Variants in ENKUR observed in about 807,000 individuals in gnomAD.
ENKUR encodes the protein enkurin.
In ENKUR, 19 loss-of-function variants were observed where a neutral mutation model predicts 27.6. The observed-to-expected ratio is 0.69, with a 90% CI of 0.48 to 1.01. The LOEUF (loss-of-function observed/expected upper bound fraction) is 1.01. Among genes scored for constraint, ENKUR ranks in the 50% least tolerant of loss-of-function variants. The pLI is 0.00. For synonymous variants in ENKUR, 117 were observed against 96.9 expected (o/e 1.21, Z -1.22); for missense variants, 312 against 310.5 (o/e 1.00, Z -0.04).
chr10:25,024,410 A>G, intron 2 of ENKUR: 2 of 1,613,968 alleles, frequency 1.2e-6, no homozygotes, highest in East Asian at 2.2e-5. Context: ...CTAAATAAGA[A>G]TGATAAGCAA....
chr10:25,016,004 C>CCTTTCTTCACTGCTTCCCCTTT lies in ENKUR; in HGVS notation c.-90_-69dup, dbSNP rs2132731343. 1 of 1,551,072 alleles carries CCTTTCTTCACTGCTTCCCCTTT rather than the reference C, an allele frequency of 6.4e-7. No individual in the cohort carries two copies. The highest frequency in any genetic ancestry group is 1.4e-5 in the African/African-American group (1 of 72,714). On this transcript the variant is annotated 5_prime_UTR_variant, in exon 1 of 6. Coordinates refer to ENST00000331161, the MANE Select transcript of ENKUR (RefSeq NM_145010.4). Reference sequence around the variant, plus strand: ...TTCTCCCTGTCCCAGTATCTCCGTCCCTTTCTTCACTGCTTCCCCTTTCTT... The same window carrying CCTTTCTTCACTGCTTCCCCTTT: ...TTCTCCCTGTCCCAGTATCTCCGTCCCTTTCTTCACTGCTTCCCCTTTCTTTCTTCACTGCTTCCCCTTTCTT...
exon 2 of ENKUR, chr10:25,061,147 A>G (rs1405620774): frequency 4.6e-6 from 7 of 1,536,054 alleles, no homozygotes; most frequent in Non-Finnish European, 6.1e-6. Context: ...CTCTGTCTTC[A>G]TGCTCCGTGG....
At chr10:24,984,564 TTGTG>T in intron 5 of ENKUR, 168 bp downstream of exon 5, 1 of 1,035,586 alleles carries the variant, frequency 9.7e-7, no homozygotes, top group Non-Finnish European at 1.4e-6. Context: ...AAATTTCTTC[TTGTG>T]TAAGTGAATA....
chr10:25,019,269 T>C (rs546946500), upstream of ENKUR, among the ~76,000 whole-genome samples: 36 of 152,008 alleles, frequency 2.4e-4, no homozygotes, highest in African/African-American at 8.4e-4. Flanking sequence ...AGCCCAGGAG[T>C]TGGAGACCAG....
intron 2 of ENKUR, chr10:25,023,057 A>C (rs1420515891): frequency 1.7e-6 from 1 of 579,354 alleles, no homozygotes; most frequent in East Asian, 3.1e-5. Flanking sequence ...GAAGATTTTT[A>C]AACAGTTTAT....
At position 24,987,562 on chromosome 10, in the gene ENKUR, C is replaced by T. The variant is rs574907686; in HGVS notation, c.595-2657G>A. Among the ~76,000 whole-genome samples the T allele has an allele frequency of 1.1e-3, 168 of 152,298 alleles. 1 individual carries two copies. The highest frequency in any genetic ancestry group is 3.8e-3 in the African/African-American group (156 of 41,550). On this transcript the variant is annotated intron_variant, in intron 4 of 5. Transcript: ENST00000331161. ...CGTGATTGTGCCACTGCACTCCAGC[C>T]TAGGCAACAGAGCAAGACTGTCTCA...
chr10:24,982,091 C>T lies in ENKUR; in HGVS notation c.*2279G>A, dbSNP rs1486349853. ...ATGCAGATGAAAATGTATACAGTGT[C>T]TTCTCCCCCATAAGCTTGAAATGTT... On this transcript the variant is annotated 3_prime_UTR_variant, in exon 6 of 6. Coordinates refer to ENST00000331161, the MANE Select transcript of ENKUR (RefSeq NM_145010.4). 6.6e-6 allele frequency: 1 copy of T among 152,214 alleles called. No homozygotes were observed. The highest frequency in any genetic ancestry group is 1.9e-4 in the East Asian group (1 of 5,200). 9.4% of individuals were successfully genotyped at this position (152,214 alleles called of 1,614,324 possible). A position where few individuals can be genotyped will look rare whatever the true frequency, so the allele number is the denominator to read the frequency against.
At chr10:25,049,536 C>T (rs1270288338) in intron 2 of ENKUR, among the ~76,000 whole-genome samples, 1 of 151,982 alleles carries the variant, frequency 6.6e-6, no homozygotes, top group Admixed American at 6.6e-5. Context: ...GCCTATAATC[C>T]CAGCACTTTG....
intron 1 of ENKUR, among the ~76,000 whole-genome samples, chr10:25,061,658 A>G (rs979022294): frequency 6.6e-6 from 1 of 152,158 alleles, no homozygotes; most frequent in Non-Finnish European, 1.5e-5. Flanking sequence ...CAGATTTTCC[A>G]ACAACCCCTT....
chr10:25,019,665 A>T (rs889687458), upstream of ENKUR, among the ~76,000 whole-genome samples: 5 of 152,202 alleles, frequency 3.3e-5, no homozygotes, highest in African/African-American at 1.2e-4. Flanking sequence ...AAGGACTTGC[A>T]CATCTGCAGA....
At chr10:24,999,607 A>G (rs1850143644) in intron 1 of ENKUR, 61 bp from the exon 2 acceptor site, 1 of 1,400,382 alleles carries the variant, frequency 7.1e-7, no homozygotes, top group South Asian at 1.3e-5. Context: ...CCTAAAGTTT[A>G]CTTAAAGTTT....
rs775838630 is a variant in ENKUR at position 25,024,193 on chromosome 10, T to A, written c.38-28324A>T. 9.3e-6 allele frequency: 15 copies of A among 1,614,106 alleles called. No individual in the cohort carries two copies. The East Asian group carries it at 3.3e-4, about 36-fold the overall frequency. ...AACTGCTTATGGGGAAAACTTTGCC[T>A]GCTCAAAAATTGCTCCTGTCAGGCA... On this transcript the variant is annotated intron_variant, in intron 2 of 5. Coordinates refer to the ENKUR transcript ENST00000615958.
intron 2 of ENKUR, among the ~76,000 whole-genome samples, chr10:25,031,702 TTTCTG>T (rs1850936699): frequency 1.3e-5 from 2 of 152,102 alleles, no homozygotes; most frequent in African/African-American, 4.8e-5. Flanking sequence ...CTTGTTAACT[TTTCTG>T]TTATAGGTTA....
At chr10:24,998,763 A>T (rs921958853) in intron 2 of ENKUR, among the ~76,000 whole-genome samples, 7 of 152,136 alleles carry the variant, frequency 4.6e-5, no homozygotes, top group Non-Finnish European at 1.0e-4. Context: ...GATCAAGTAT[A>T]TAATTTTTGA....
chr10:25,004,512 C>G (rs923045294), intron 1 of ENKUR, among the ~76,000 whole-genome samples: 1 of 152,114 alleles, frequency 6.6e-6, no homozygotes, highest in Non-Finnish European at 1.5e-5. Flanking sequence ...CTCTAATGAT[C>G]AGTGATGTTA....
rs1021474671 is a variant in ENKUR at position 25,044,369 on chromosome 10, GACC to G, written c.37+16740_37+16742del. On this transcript the variant is annotated intron_variant, in intron 2 of 5. Transcript: ENST00000615958. Reference sequence around the variant, plus strand: ...GATGTAGATTTTAGTCCTAAAGCATGACCCTTCTTAGGGTAGGTGTTTGTTTGT... The same window carrying G: ...GATGTAGATTTTAGTCCTAAAGCATGCTTCTTAGGGTAGGTGTTTGTTTGT... Among the ~76,000 whole-genome samples, 58 of 152,268 alleles carry G rather than the reference GACC, an allele frequency of 3.8e-4. 1 individual carries two copies. Among genetic ancestry groups the G allele is most frequent in the African/African-American group, 1.3e-3 (56 of 41,566 alleles).
chr10:25,016,941 G>T (rs961791250), upstream of ENKUR, among the ~76,000 whole-genome samples: 1 of 152,164 alleles, frequency 6.6e-6, no homozygotes, highest in African/African-American at 2.4e-5. Flanking sequence ...GAGGCTCCTC[G>T]GAACGCCGCG....
intron 2 of ENKUR, chr10:25,024,211 G>T (rs772839458): frequency 1.3e-5 from 21 of 1,614,194 alleles, no homozygotes; most frequent in Non-Finnish European, 1.7e-5. Context: ...AATTGCTCCT[G>T]TCAGGCACCT....
chr10:25,022,736 G>T (rs1455182933), intron 2 of ENKUR, among the ~76,000 whole-genome samples: 3 of 152,080 alleles, frequency 2.0e-5, no homozygotes, highest in Non-Finnish European at 4.4e-5. Flanking sequence ...CAACTTTTGT[G>T]AATTGCAAGT....
Sources: gnomAD v4.1 joint callset for allele counts (sites outside exome capture counted in the v4.1 genomes callset) on GRCh38, gnomAD v4.1.1 for gene constraint, MANE v1.5 for transcripts, NCBI Gene and HGNC (gene_info 2026-07-23, HGNC 2026-07-21) for gene names.